The following TTLL9 variants were observed in gnomAD, a reference collection of about 807,000 sequenced individuals.
TTLL9 encodes tubulin tyrosine ligase like 9.
A neutral mutation model predicts 65.6 loss-of-function variants in TTLL9; 47 were observed. The ratio of observed to expected loss-of-function variants is 0.72; its 90% CI spans 0.57 to 0.91. The LOEUF is 0.91. Among genes scored for constraint, TTLL9 ranks in the 40% least tolerant of loss-of-function variants. TTLL9 has a pLI of 0.00. For missense variants in TTLL9, 537 were observed against 568.8 expected (o/e 0.94, Z 0.57); for synonymous variants, 179 against 204.8 (o/e 0.87, Z 1.07).
intron 2 of TTLL9, among the ~76,000 whole-genome samples, chr20:31,879,151 T>C (rs1474634930): frequency 6.6e-6 from 1 of 152,134 alleles, no homozygotes; most frequent in Non-Finnish European, 1.5e-5. Flanking sequence ...TGAAACCCTG[T>C]CTTTACTAAA....
Position 31,887,355 on chromosome 20 carries a change from G to A in TTLL9, c.113+116G>A, listed in dbSNP as rs569521819. Reference sequence around the variant, plus strand: ...AACAATTATAATGAAAATGATAGTAGAAGGAGTAATGCTAAACCATTATTG... The same window carrying A: ...AACAATTATAATGAAAATGATAGTAAAAGGAGTAATGCTAAACCATTATTG... On this transcript the variant is annotated intron_variant, in intron 3 of 14. Coordinates refer to ENST00000535842, the MANE Select transcript of TTLL9 (RefSeq NM_001008409.5). 2.9e-5 allele frequency: 35 copies of A among 1,197,730 alleles called. No homozygotes were observed. The South Asian group carries it at 4.7e-4, about 16-fold the overall frequency. 74.2% of individuals were successfully genotyped at this position (1,197,730 alleles called of 1,614,324 possible). A position where few individuals can be genotyped will look rare whatever the true frequency, so the allele number is the denominator to read the frequency against.
At position 31,887,257 on chromosome 20, in the gene TTLL9, A is replaced by G; in HGVS notation, c.113+18A>G. 1 of 1,614,056 alleles carries G rather than the reference A, an allele frequency of 6.2e-7. No individual in the cohort carries two copies. Among genetic ancestry groups the G allele is most frequent in the South Asian group, 1.1e-5 (1 of 91,068 alleles). ...AAAGAGCGGTGAGTGGTCCCATCCA[A>G]TCCAACAATCACAGCGCAACCAACT... On this transcript the variant is annotated intron_variant, in intron 3 of 14. Transcript: ENST00000535842.
At chr20:31,875,253 T>C (rs1282115566) in intron 2 of TTLL9, among the ~76,000 whole-genome samples, 1 of 152,184 alleles carries the variant, frequency 6.6e-6, no homozygotes, top group African/African-American at 2.4e-5. Flanking sequence ...TCTGTAGGTC[T>C]GTAGTAAGAA....
intron 3 of TTLL9, among the ~76,000 whole-genome samples, 185 bp downstream of exon 3, chr20:31,887,424 T>TA (rs2063208943): frequency 1.3e-5 from 2 of 152,246 alleles, no homozygotes. Flanking sequence ...ACTTTACCTG[T>TA]ATTAGCTCAT....
chr20:31,937,304 G>T, intron 12 of TTLL9, 92 bp from the exon 13 acceptor site: 2 of 773,910 alleles, frequency 2.6e-6, no homozygotes, highest in Non-Finnish European at 4.4e-6. Flanking sequence ...AATTGACGGT[G>T]GGGTCCATGC....
At position 31,919,862 on chromosome 20, in the gene TTLL9, A is replaced by G; in HGVS notation, c.505-2A>G. 1 of 1,588,016 alleles carries G rather than the reference A, an allele frequency of 6.3e-7. No homozygotes were observed. Among genetic ancestry groups the G allele is most frequent in the South Asian group, 1.1e-5 (1 of 87,592 alleles). On this transcript the variant is annotated splice_acceptor_variant, in intron 6 of 14. Coordinates refer to ENST00000535842, the MANE Select transcript of TTLL9 (RefSeq NM_001008409.5). LOFTEE classifies it high-confidence loss of function. ...TGGCTTTCTGCCCCCATCCCACCCC[A>G]GGTAGCCCGGTCTCAAGGGAAAGGC...
intron 2 of TTLL9, among the ~76,000 whole-genome samples, chr20:31,886,470 T>C (rs552718116): frequency 6.6e-6 from 1 of 152,176 alleles, no homozygotes; most frequent in South Asian, 2.1e-4. Flanking sequence ...TCTGAGTCTT[T>C]GACCTAGCCC....
intron 10 of TTLL9, among the ~76,000 whole-genome samples, chr20:31,928,848 T>C (rs1017781302): frequency 1.3e-5 from 2 of 152,236 alleles, no homozygotes; most frequent in African/African-American, 4.8e-5. Flanking sequence ...AGAAAAAGTA[T>C]GAAAGGATGT....
intron 3 of TTLL9, among the ~76,000 whole-genome samples, chr20:31,893,970 C>A (rs764109557): frequency 6.6e-6 from 1 of 151,988 alleles, no homozygotes; most frequent in Non-Finnish European, 1.5e-5. Flanking sequence ...TCAATTTGAA[C>A]AATTTCAATT....
At chr20:31,875,638 A>C (rs984428092) in intron 2 of TTLL9, among the ~76,000 whole-genome samples, 1 of 152,146 alleles carries the variant, frequency 6.6e-6, no homozygotes, top group Non-Finnish European at 1.5e-5. Flanking sequence ...ACTTGTTTAG[A>C]TCCTACTATT....
At chr20:31,941,071 T>A (rs2064196964) in intron 14 of TTLL9, 1 of 151,642 alleles carries the variant, frequency 6.6e-6, no homozygotes, top group Non-Finnish European at 1.5e-5. Flanking sequence ...ACAAAAAAAT[T>A]AGCCAGGCGT....
intron 3 of TTLL9, among the ~76,000 whole-genome samples, chr20:31,890,089 T>TCCCTCCC (rs1568752882): frequency 8.0e-6 from 1 of 125,772 alleles, no homozygotes; most frequent in African/African-American, 3.4e-5. Flanking sequence ...GCTTTCTTGC[T>TCCCTCCC]TTCTTTCCCT....
intron 14 of TTLL9, chr20:31,940,384 A>G (rs754984753): frequency 3.9e-5 from 6 of 152,208 alleles, no homozygotes; most frequent in Non-Finnish European, 7.3e-5. Flanking sequence ...TTCTAAATGT[A>G]TAAGGCTTCA....
chr20:31,890,195 T>TTCTTTCTTTCTTTCTC (rs1223777990), intron 3 of TTLL9, among the ~76,000 whole-genome samples: 18 of 142,928 alleles, frequency 1.3e-4, no homozygotes, highest in Non-Finnish European at 2.1e-4. Flanking sequence ...CTTTCTTTCT[T>TTCTTTCTTTCTTTCTC]TCTTTCTCTT....
intron 4 of TTLL9, chr20:31,901,572 C>A (rs900729527): frequency 6.6e-6 from 1 of 152,160 alleles, no homozygotes; most frequent in African/African-American, 2.4e-5. Context: ...CAAGGCCCTG[C>A]TTGATTGGGC....
chr20:31,916,462 T>C (rs1427691507), intron 6 of TTLL9, among the ~76,000 whole-genome samples: 1 of 152,246 alleles, frequency 6.6e-6, no homozygotes, highest in Non-Finnish European at 1.5e-5. Flanking sequence ...GGTTCATCTT[T>C]CATTCTTTAG....
intron 6 of TTLL9, 72 bp downstream of exon 6, chr20:31,909,994 A>C: frequency 6.8e-7 from 1 of 1,470,768 alleles, no homozygotes; most frequent in Non-Finnish European, 9.4e-7. Context: ...TCAGGTGCAG[A>C]CACTGCCTGG....
chr20:31,928,183 A>T (rs975038063), intron 10 of TTLL9, among the ~76,000 whole-genome samples: 1 of 152,074 alleles, frequency 6.6e-6, no homozygotes, highest in Non-Finnish European at 1.5e-5. Flanking sequence ...TCTGGGCATC[A>T]TGGGGACTTT....
chr20:31,936,553 G>A (rs910484077), intron 12 of TTLL9, among the ~76,000 whole-genome samples: 10 of 151,900 alleles, frequency 6.6e-5, no homozygotes, highest in Admixed American at 1.3e-4. Context: ...CCCACAGGGC[G>A]GCACTCTCCT....
Sources: gnomAD v4.1 joint callset for allele counts (sites outside exome capture counted in the v4.1 genomes callset) on GRCh38, gnomAD v4.1.1 for gene constraint, MANE v1.5 for transcripts, NCBI Gene and HGNC (gene_info 2026-07-23, HGNC 2026-07-21) for gene names.